The following KDM4B variants were observed in gnomAD, a reference collection of about 807,000 sequenced individuals.
The protein encoded by KDM4B is lysine-specific demethylase 4B.
Under a neutral mutation model 125.2 loss-of-function variants are expected in KDM4B, and 32 were observed. The ratio of observed to expected loss-of-function variants is 0.26; its 90% CI spans 0.19 to 0.34. The LOEUF (loss-of-function observed/expected upper bound fraction) is 0.34. Among genes scored for constraint, KDM4B ranks in the 10% least tolerant of loss-of-function variants. The probability of loss-of-function intolerance (pLI) is 1.00; values close to 1 mark genes in which losing one functional copy is unlikely to be tolerated. For synonymous variants in KDM4B, 721 were observed against 677.9 expected (o/e 1.06, Z -0.99); for missense variants, 1,190 against 1,577.7 (o/e 0.75, Z 4.16).
Position 5,050,756 on chromosome 19 carries a change from C to T in KDM4B, c.626+3087C>T, listed in dbSNP as rs367829341. ...TCTACTAAAAATACAAAAAATGAGC[C>T]GGGTGTGGTGGCAGGTGCCTATAAT... is the stretch of plus-strand genomic sequence containing the variant. On this transcript the variant is annotated intron_variant, in intron 6 of 22. Transcript: ENST00000159111. 5.8e-3 allele frequency among the ~76,000 whole-genome samples: 876 copies of T among 152,192 alleles called. 10 individuals are homozygous for T. Among genetic ancestry groups the T allele is most frequent in the African/African-American group, 0.02 (819 of 41,528 alleles).
intron 5 of KDM4B, among the ~76,000 whole-genome samples, chr19:5,046,167 G>A (rs535809209): frequency 5.3e-5 from 8 of 152,336 alleles, no homozygotes; most frequent in Non-Finnish European, 8.8e-5. Flanking sequence ...CTCTGCAGCC[G>A]CACGCAGGCT....
At chr19:4,982,532 T>A (rs191206602) in intron 1 of KDM4B, among the ~76,000 whole-genome samples, 2 of 151,746 alleles carry the variant, frequency 1.3e-5, no homozygotes, top group East Asian at 3.9e-4. Flanking sequence ...TTTAAAAAAA[T>A]TTAAAATTAT....
rs375437507 is a variant in KDM4B, at chr19:5,044,034, G to A, written c.432+2783G>A. 9.1e-5 allele frequency among the ~76,000 whole-genome samples: 7 copies of A among 76,854 alleles called. 1 individual carries two copies. Among genetic ancestry groups the A allele is most frequent in the Admixed American group, 2.7e-4 (2 of 7,354 alleles). 50.4% of individuals were successfully genotyped at this position (76,854 alleles called of 152,430 possible). A position where few individuals can be genotyped will look rare whatever the true frequency, so the allele number is the denominator to read the frequency against. On this transcript the variant is annotated intron_variant, in intron 5 of 22. Coordinates refer to ENST00000159111, the MANE Select transcript of KDM4B (RefSeq NM_015015.3). ...GAGTGGGGTGTCCACCTTATCCCAC[G>A]CGGTGTTTATCGGAGTGGGGGTGTC...
At chr19:5,014,101 A>G (rs1213809084) in intron 1 of KDM4B, among the ~76,000 whole-genome samples, 2 of 152,290 alleles carry the variant, frequency 1.3e-5, no homozygotes, top group African/African-American at 2.4e-5. Flanking sequence ...AAAATAACAT[A>G]GAAAATGTCA....
chr19:5,010,348 G>A (rs1027773504), intron 1 of KDM4B, among the ~76,000 whole-genome samples: 1 of 152,224 alleles, frequency 6.6e-6, no homozygotes, highest in African/African-American at 2.4e-5. Context: ...TGTGGCTGAT[G>A]TGGCTGATGC....
intron 22 of KDM4B, 51 bp downstream of exon 22, chr19:5,150,501 C>A: frequency 7.4e-7 from 1 of 1,344,548 alleles, no homozygotes; most frequent in Non-Finnish European, 1.0e-6. Flanking sequence ...GGGAGCCCGT[C>A]TGGGACGAGG....
In KDM4B at chr19:5,118,297, C is replaced by T. The variant is rs551389533; in HGVS notation, c.1116-1356C>T. The stretch of plus-strand genomic sequence containing the variant: ...ACGGGAAGCACCCGGAAGCCGCAGC[C>T]GGCATTGGTGATTGTCCCGGAAACA... On this transcript the variant is annotated intron_variant, in intron 10 of 22. Coordinates refer to ENST00000159111, the MANE Select transcript of KDM4B (RefSeq NM_015015.3). Among the ~76,000 whole-genome samples the T allele has an allele frequency of 3.9e-5, 6 of 152,342 alleles. No individual in the cohort carries two copies. In the South Asian group the frequency reaches 1.0e-3, roughly 26 times the overall value.
intron 2 of KDM4B, among the ~76,000 whole-genome samples, chr19:5,025,544 T>C (rs976630741): frequency 2.0e-4 from 31 of 152,198 alleles, no homozygotes; most frequent in Non-Finnish European, 4.4e-4. Context: ...GGATCGTGTC[T>C]CCTTGCTCTG....
chr19:5,057,923 C>T (rs565852571), intron 6 of KDM4B, among the ~76,000 whole-genome samples: 7 of 152,324 alleles, frequency 4.6e-5, no homozygotes, highest in East Asian at 1.9e-4. Context: ...ATGCGGGGAC[C>T]GAGGCCAGCA....
chr19:5,134,665 G>A (rs2039617266), intron 14 of KDM4B, among the ~76,000 whole-genome samples: 1 of 152,306 alleles, frequency 6.6e-6, no homozygotes, highest in East Asian at 1.9e-4. Context: ...CACATGCTTT[G>A]CACTCCCAGC....
intron 6 of KDM4B, among the ~76,000 whole-genome samples, chr19:5,057,293 A>T (rs1463494687): frequency 1.3e-5 from 2 of 152,036 alleles, no homozygotes; most frequent in East Asian, 3.9e-4. Flanking sequence ...GGAAGGTCTT[A>T]CAAATGGGCT....
chr19:5,147,245 G>C (rs939044384), intron 21 of KDM4B, among the ~76,000 whole-genome samples: 1 of 152,206 alleles, frequency 6.6e-6, no homozygotes, highest in Non-Finnish European at 1.5e-5. Context: ...CATTTATAAC[G>C]TACACAGAGC....
intron 6 of KDM4B, among the ~76,000 whole-genome samples, chr19:5,053,114 A>G (rs570081498): frequency 3.9e-5 from 6 of 152,216 alleles, no homozygotes; most frequent in Non-Finnish European, 7.3e-5. Context: ...ACAGCTTCAC[A>G]GATTGGTTTT....
intron 2 of KDM4B, 140 bp from the exon 3 acceptor site, chr19:5,032,726 A>G: frequency 1.4e-6 from 1 of 693,012 alleles, no homozygotes; most frequent in South Asian, 2.0e-5. Flanking sequence ...TTCTGCCCTC[A>G]CTCAGCCGCG....
At chr19:5,113,765 G>A (rs968868939) in intron 10 of KDM4B, 17 of 421,516 alleles carry the variant, frequency 4.0e-5, no homozygotes, top group Non-Finnish European at 4.8e-5. Flanking sequence ...AGTCCCCCGC[G>A]TGGGAACCCC....
chr19:5,137,832 T>TA (rs1369416780), intron 17 of KDM4B, 130 bp from the exon 18 acceptor site: 1 of 1,038,332 alleles, frequency 9.6e-7, no homozygotes, highest in Non-Finnish European at 1.4e-6. Context: ...AGGAGGAGCA[T>TA]ACGCCTGCAC....
At chr19:5,068,571 C>T (rs796720007) in intron 6 of KDM4B, among the ~76,000 whole-genome samples, 1 of 152,230 alleles carries the variant, frequency 6.6e-6, no homozygotes, top group Non-Finnish European at 1.5e-5. Context: ...GTTTTTCTTC[C>T]GCCTGTGTCC....
intron 21 of KDM4B, among the ~76,000 whole-genome samples, chr19:5,149,355 G>A (rs976396289): frequency 3.3e-5 from 5 of 152,198 alleles, no homozygotes; most frequent in African/African-American, 1.2e-4. Flanking sequence ...TTTTGAGACG[G>A]GGTCTTGATC....
intron 1 of KDM4B, among the ~76,000 whole-genome samples, chr19:4,981,428 C>T (rs936294004): frequency 3.9e-5 from 6 of 152,316 alleles, no homozygotes; most frequent in Admixed American, 2.6e-4. Flanking sequence ...CGAATCCAGC[C>T]TGGGGTTGGA....
Sources: allele counts gnomAD v4.1 joint callset (sites outside exome capture counted in the v4.1 genomes callset), GRCh38; gene constraint gnomAD v4.1.1; transcripts MANE v1.5; gene names NCBI Gene and HGNC (gene_info 2026-07-23, HGNC 2026-07-21).